The following TDRD12 variants were observed in gnomAD, a reference collection of about 807,000 sequenced individuals.
The protein encoded by TDRD12 is putative ATP-dependent RNA helicase TDRD12.
TDRD12 carries 158 observed loss-of-function variants against 133.5 expected under a neutral mutation model. The observed-to-expected ratio is 1.18, with a 90% CI of 1.04 to 1.35. TDRD12 has a LOEUF of 1.35. TDRD12 is among the 40% of genes most tolerant of loss of function. TDRD12 has a pLI of 0.00. For missense variants in TDRD12, 1,443 were observed against 1,321.3 expected (o/e 1.09, Z -1.43); for synonymous variants, 460 against 477.9 (o/e 0.96, Z 0.49).
At chr19:32,739,015 T>G (rs1367642259) in intron 3 of TDRD12, 23 bp downstream of exon 3, 2 of 1,549,156 alleles carry the variant, frequency 1.3e-6, no homozygotes, top group Non-Finnish European at 1.7e-6. Flanking sequence ...TTATCTCACC[T>G]TACGCTCTTT....
intron 21 of TDRD12, among the ~76,000 whole-genome samples, chr19:32,805,814 C>G (rs1173398109): frequency 6.7e-6 from 1 of 150,186 alleles, no homozygotes; most frequent in African/African-American, 2.5e-5. Flanking sequence ...TCACTGCAAC[C>G]TCCTCCTTCT....
chr19:32,762,391 G>A (rs1008179581), intron 8 of TDRD12, among the ~76,000 whole-genome samples: 3 of 152,284 alleles, frequency 2.0e-5, no homozygotes, highest in Middle Eastern at 3.4e-3. Flanking sequence ...TCACTTTTCT[G>A]CATGTGGATG....
At chr19:32,778,177 C>T (rs1288719419) in intron 11 of TDRD12, among the ~76,000 whole-genome samples, 1 of 151,918 alleles carries the variant, frequency 6.6e-6, no homozygotes, top group Non-Finnish European at 1.5e-5. Context: ...AGGGTGTGGA[C>T]TCTGCAGCCA....
At chr19:32,767,875 G>A (rs1970342537) in intron 8 of TDRD12, among the ~76,000 whole-genome samples, 1 of 152,176 alleles carries the variant, frequency 6.6e-6, no homozygotes, top group Admixed American at 6.5e-5. Context: ...GAAAACTGCA[G>A]CCATGGGCCA....
rs147515871 is a variant in TDRD12 at position 32,738,723 on chromosome 19, G to C, written c.184-133G>C. The stretch of plus-strand genomic sequence containing the variant: ...AGCTACTTGGGAGGCTGAGGCAGGA[G>C]AATTGCTTGAACCTGGGAGGTGGAG... On this transcript the variant is annotated intron_variant, in intron 2 of 27. Transcript: ENST00000444215. The C allele has an allele frequency of 5.9e-4, 562 of 945,500 alleles. 4 individuals carry two copies. In the African/African-American group the frequency reaches 8.7e-3, roughly 15 times the overall value. The allele number at this position is 945,500 out of a possible 1,614,324, so 58.6% of individuals were successfully genotyped here.
intron 24 of TDRD12, among the ~76,000 whole-genome samples, chr19:32,812,539 C>A (rs562648358): frequency 6.6e-6 from 1 of 152,264 alleles, no homozygotes; most frequent in South Asian, 2.1e-4. Flanking sequence ...GTAAAAGGAG[C>A]CTTTATCACA....
At chr19:32,805,712 C>T (rs1238714163) in intron 21 of TDRD12, among the ~76,000 whole-genome samples, 1 of 150,046 alleles carries the variant, frequency 6.7e-6, no homozygotes, top group Non-Finnish European at 1.5e-5. Context: ...TCTCCACATA[C>T]ACTTTATTTT....
At position 32,777,373 on chromosome 19, in the gene TDRD12, T is replaced by C. The variant is rs1395241907; in HGVS notation, c.1121+144T>C. On this transcript the variant is annotated intron_variant, in intron 11 of 27. Transcript: ENST00000444215. Reference sequence around the variant, plus strand: ...ATGTACAGTATATCTCCTGTAGGGTTTGAGGTTAATTTTTGCTTTTCCATC... The same window carrying C: ...ATGTACAGTATATCTCCTGTAGGGTCTGAGGTTAATTTTTGCTTTTCCATC... 3 of 552,040 alleles carry C rather than the reference T, an allele frequency of 5.4e-6. No homozygotes were observed. The African/African-American group carries it at 5.9e-5, about 11-fold the overall frequency. The allele number at this position is 552,040 out of a possible 1,614,324, so 34.2% of individuals were successfully genotyped here.
chr19:32,804,909 T>A (rs1971500233), intron 21 of TDRD12, among the ~76,000 whole-genome samples: 1 of 150,898 alleles, frequency 6.6e-6, no homozygotes, highest in African/African-American at 2.4e-5. Flanking sequence ...AAAAAAAAAG[T>A]TGTCTATTTC....
intron 11 of TDRD12, among the ~76,000 whole-genome samples, chr19:32,788,038 A>G (rs1970959950): frequency 6.6e-6 from 1 of 151,940 alleles, no homozygotes; most frequent in African/African-American, 2.4e-5. Context: ...TGAGAGCTAT[A>G]GACTGGAGCT....
At chr19:32,818,929 CTGCTGGACTAGTGACT>C (rs1967282288) in intron 27 of TDRD12, among the ~76,000 whole-genome samples, 1 of 152,094 alleles carries the variant, frequency 6.6e-6, no homozygotes, top group Non-Finnish European at 1.5e-5. Flanking sequence ...GGTTAGTGGC[CTGCTGGACTAGTGACT>C]TGCTGGTTTA....
chr19:32,824,949 C>T (rs745576793), downstream of TDRD12, among the ~76,000 whole-genome samples: 19 of 152,326 alleles, frequency 1.2e-4, no homozygotes, highest in Middle Eastern at 3.4e-3. Context: ...TGGCCGCTTG[C>T]TCCCAGAAGC....
Position 32,807,781 on chromosome 19 carries a change from G to A in TDRD12, c.2652+133G>A. 3 of 494,844 alleles carry A rather than the reference G, an allele frequency of 6.1e-6. No individual in the cohort carries two copies. The South Asian group carries it at 1.6e-4, about 26-fold the overall frequency. 30.7% of individuals were successfully genotyped at this position (494,844 alleles called of 1,614,324 possible). On this transcript the variant is annotated intron_variant, in intron 22 of 27. Transcript: ENST00000444215. ...TCAGTATTAACATACCACCATTAGT[G>A]CAACCAGAGGCACGTGTCCTTACAA... is the stretch of plus-strand genomic sequence containing the variant.
chr19:32,769,126 G>A (rs888890518), intron 8 of TDRD12, among the ~76,000 whole-genome samples: 1 of 152,112 alleles, frequency 6.6e-6, no homozygotes, highest in South Asian at 2.1e-4. Flanking sequence ...TTTCTTAATG[G>A]TATTTTTCAG....
At chr19:32,766,824 A>G (rs1197190944) in intron 8 of TDRD12, among the ~76,000 whole-genome samples, 1 of 152,064 alleles carries the variant, frequency 6.6e-6, no homozygotes, top group Non-Finnish European at 1.5e-5. Flanking sequence ...TATGTTGGCC[A>G]GGCTGGTCTC....
intron 27 of TDRD12, 129 bp from the exon 28 acceptor site, chr19:32,820,904 G>A (rs191059089): frequency 3.0e-6 from 2 of 667,132 alleles, no homozygotes; most frequent in East Asian, 5.4e-5. Flanking sequence ...CATCTTAAAT[G>A]TCATAAGCTC....
intron 8 of TDRD12, among the ~76,000 whole-genome samples, chr19:32,767,199 G>A (rs1369450419): frequency 1.3e-5 from 2 of 151,580 alleles, no homozygotes; most frequent in African/African-American, 4.9e-5. Flanking sequence ...CGCCATCTCA[G>A]CTCACTGCAG....
At chr19:32,819,666 C>G (rs1236410132) in intron 27 of TDRD12, among the ~76,000 whole-genome samples, 1 of 152,162 alleles carries the variant, frequency 6.6e-6, no homozygotes. Context: ...CGAGGTTTCA[C>G]AGAGAGCCTG....
exon 25 of TDRD12, chr19:32,813,761 T>C (rs1424804921): frequency 1.3e-6 from 2 of 1,532,434 alleles, no homozygotes; most frequent in Admixed American, 2.0e-5. Context: ...GAAATACAGT[T>C]TGGATTGATC....
Sources: gnomAD v4.1 joint callset for allele counts (sites outside exome capture counted in the v4.1 genomes callset) on GRCh38, gnomAD v4.1.1 for gene constraint, MANE v1.5 for transcripts, NCBI Gene and HGNC (gene_info 2026-07-23, HGNC 2026-07-21) for gene names.